Variants in BCOR observed in about 807,000 individuals in gnomAD.
BCOR encodes the protein BCL-6 corepressor.
A neutral mutation model predicts 86.7 loss-of-function variants in BCOR; 10 were observed. That is an observed-to-expected ratio of 0.12 (90% CI 0.07 to 0.20). BCOR has a LOEUF of 0.20. BCOR is among the 10% of genes least tolerant of loss of function. The pLI is 1.00. For synonymous variants in BCOR, 611 were observed against 609.0 expected (o/e 1.00, Z -0.05); for missense variants, 1,259 against 1,452.1 (o/e 0.87, Z 2.16).
In BCOR at chrX:40,064,444, C is replaced by A. The variant is rs1172133385; in HGVS notation, c.3394G>T (p.Val1132Leu). ...SDMPHSPTLRVDRKRKVSGDS... is the reference protein window; with the variant it reads ...SDMPHSPTLRLDRKRKVSGDS... ...CCTGAGACTTTGCGTTTCCTGTCCA[C>A]CCGGAGGGTGGGGCTGTGAGGCATG... The change falls in exon 7 of 15, where the codon GTG becomes TTG. Residue 1132 changes from valine (V) to leucine (L), a missense_variant. Coordinates refer to ENST00000378444, the MANE Select transcript of BCOR (RefSeq NM_001123385.2). The A allele has an allele frequency of 8.3e-7, 1 of 1,211,186 alleles. No homozygotes were observed. The highest frequency in any genetic ancestry group is 3.0e-5 in the East Asian group (1 of 33,782).
rs146983777 is a variant in BCOR at position 40,093,555 on chromosome X, C to T, written c.-41+3660G>A. On this transcript the variant is annotated intron_variant, in intron 1 of 14. Coordinates refer to ENST00000378444, the MANE Select transcript of BCOR (RefSeq NM_001123385.2). ...CAATTTAATATTAGCCATATATATA[C>T]ACACACAAACGATGGATCTCACAAC... Among the ~76,000 whole-genome samples, 517 of 112,217 alleles carry T rather than the reference C, an allele frequency of 4.6e-3. 5 individuals carry two copies. Among genetic ancestry groups the T allele is most frequent in the African/African-American group, 0.016 (490 of 30,873 alleles).
chrX:40,064,629 T>G (rs1474503825), intron 6 of BCOR, 30 bp from the exon 7 acceptor site: 1 of 1,209,982 alleles, frequency 8.3e-7, no homozygotes, highest in South Asian at 1.8e-5. Context: ...AGGGCATTAA[T>G]GAAGCCCGAA....
chrX:40,061,288 C>T (rs1044128935), intron 10 of BCOR, among the ~76,000 whole-genome samples: 2 of 111,679 alleles, frequency 1.8e-5, no homozygotes, highest in Non-Finnish European at 3.8e-5. Flanking sequence ...CTGTGAAAAG[C>T]GTGATTCCAA....
intron 1 of BCOR, among the ~76,000 whole-genome samples, chrX:40,127,638 A>G (rs763704871): frequency 9.1e-6 from 1 of 110,032 alleles, no homozygotes; most frequent in South Asian, 3.9e-4. Flanking sequence ...TGGGAGGCTG[A>G]GGCAGGATAA....
Position 40,051,366 on chromosome X carries a change from C to T in BCOR, c.*743G>A, listed in dbSNP as rs1388288938. 4 of 169,279 alleles carry T rather than the reference C, an allele frequency of 2.4e-5. No individual in the cohort carries two copies. The highest frequency in any genetic ancestry group is 8.0e-5 in the Admixed American group (1 of 12,474). The allele number at this position is 169,279 out of a possible 1,213,427, so 14.0% of individuals were successfully genotyped here. On this transcript the variant is annotated 3_prime_UTR_variant, in exon 15 of 15. Coordinates refer to ENST00000378444, the MANE Select transcript of BCOR (RefSeq NM_001123385.2). ...AACACAGATTTCAAACATAAACACA[C>T]GATTCAGAAAATTTTAGTTTTATGT...
Position 40,052,405 on chromosome X carries a change from A to G in BCOR, c.4977-5T>C, listed in dbSNP as rs1254172968. 1.7e-6 allele frequency: 2 copies of G among 1,208,682 alleles called. No homozygotes were observed. The highest frequency in any genetic ancestry group is 1.8e-5 in the South Asian group (1 of 56,854). On this transcript the variant is annotated splice_polypyrimidine_tract_variant and splice_region_variant and intron_variant, in intron 14 of 14. Coordinates refer to ENST00000378444, the MANE Select transcript of BCOR (RefSeq NM_001123385.2). ...AGCAGTAGCCAGTTTCGTGGCCTAC[A>G]AAACAGAAAGGAAAATGCTTTGAGT... is the stretch of plus-strand genomic sequence containing the variant.
chrX:40,089,058 G>A (rs1382519922), intron 1 of BCOR, among the ~76,000 whole-genome samples: 1 of 111,762 alleles, frequency 8.9e-6, no homozygotes, highest in East Asian at 2.8e-4. Context: ...CCCTCGTAGG[G>A]GAGATTTAAT....
At chrX:40,123,797 G>T (rs1252021924) in intron 1 of BCOR, among the ~76,000 whole-genome samples, 1 of 97,232 alleles carries the variant, frequency 1.0e-5, no homozygotes, top group Non-Finnish European at 2.0e-5. Context: ...TTTCCTGGTT[G>T]TGTGTGTGTG....
At chrX:40,058,947 C>T (rs1016068620) in intron 10 of BCOR, among the ~76,000 whole-genome samples, 2 of 112,079 alleles carry the variant, frequency 1.8e-5, no homozygotes, top group Non-Finnish European at 3.8e-5. Context: ...TGTCACGTGA[C>T]TCAGGGATCA....
intron 10 of BCOR, among the ~76,000 whole-genome samples, chrX:40,059,149 CTG>C (rs1934748099): frequency 8.9e-6 from 1 of 112,163 alleles, no homozygotes; most frequent in African/African-American, 3.2e-5. Context: ...TAAGTCAACT[CTG>C]TTATCCTGGA....
At chrX:40,076,777 C>T (rs1178657257) in intron 2 of BCOR, among the ~76,000 whole-genome samples, 4 of 112,690 alleles carry the variant, frequency 3.5e-5, no homozygotes, top group Middle Eastern at 4.2e-3. Flanking sequence ...AATATGATGT[C>T]CCCAAGGTAG....
chrX:40,125,278 G>C (rs1937525803), intron 1 of BCOR, among the ~76,000 whole-genome samples: 1 of 111,754 alleles, frequency 8.9e-6, no homozygotes, highest in Admixed American at 9.5e-5. Context: ...CTGTCACCCA[G>C]GCTGGAGTGC....
At chrX:40,108,871 T>A (rs775208449) in intron 1 of BCOR, among the ~76,000 whole-genome samples, 1 of 113,310 alleles carries the variant, frequency 8.8e-6, no homozygotes, top group East Asian at 2.8e-4. Flanking sequence ...AAGCCCCGGT[T>A]CGCTCTGGCT....
At chrX:40,062,465 C>A in intron 9 of BCOR, 72 bp from the exon 10 acceptor site, 1 of 1,137,718 alleles carries the variant, frequency 8.8e-7, no homozygotes, top group Non-Finnish European at 1.2e-6. Context: ...CCCTCCTCCT[C>A]CCCACGTGAC....
intron 1 of BCOR, among the ~76,000 whole-genome samples, chrX:40,173,163 TAG>T (rs781160814): frequency 7.1e-5 from 8 of 111,981 alleles, no homozygotes; most frequent in Non-Finnish European, 1.3e-4. Flanking sequence ...TACAAAACGC[TAG>T]AGAGGCAACA....
chrX:40,091,570 C>T (rs1347682830), intron 1 of BCOR, among the ~76,000 whole-genome samples: 2 of 112,882 alleles, frequency 1.8e-5, no homozygotes, highest in Non-Finnish European at 3.7e-5. Context: ...CGCAGAAAGG[C>T]ATCGTTAATG....
intron 1 of BCOR, among the ~76,000 whole-genome samples, chrX:40,139,474 T>TAATATATATAC (rs1937839457): frequency 1.8e-4 from 2 of 11,154 alleles, no homozygotes; most frequent in African/African-American, 1.7e-3. Context: ...TATATATATA[T>TAATATATATAC]ATATATATAT....
At chrX:40,115,503 C>G (rs914939045) in intron 1 of BCOR, among the ~76,000 whole-genome samples, 1 of 108,062 alleles carries the variant, frequency 9.3e-6, no homozygotes, top group African/African-American at 3.4e-5. Context: ...GGCCTGGGCT[C>G]GGTGGCTCAC....
intron 1 of BCOR, among the ~76,000 whole-genome samples, chrX:40,085,048 C>T (rs1408168129): frequency 4.5e-5 from 5 of 111,949 alleles, no homozygotes; most frequent in Non-Finnish European, 7.5e-5. Flanking sequence ...ATTTTTGTAG[C>T]TGTTCAGGGC....
Sources: gnomAD v4.1 joint callset for allele counts (sites outside exome capture counted in the v4.1 genomes callset) on GRCh38, gnomAD v4.1.1 for gene constraint, MANE v1.5 for transcripts, NCBI Gene and HGNC (gene_info 2026-07-23, HGNC 2026-07-21) for gene names.